Variants in RALYL observed in about 807,000 individuals in gnomAD.
The protein encoded by RALYL is RNA-binding Raly-like protein.
In RALYL, 29 loss-of-function variants were observed where a neutral mutation model predicts 35.1. That is an observed-to-expected ratio of 0.83 (90% confidence interval 0.61 to 1.13). The LOEUF (loss-of-function observed/expected upper bound fraction) is 1.13. Ranked by LOEUF, RALYL falls within the 50% of genes most tolerant of loss-of-function variation. RALYL has a pLI of 0.00. For missense variants in RALYL, 359 were observed against 360.4 expected, an observed-to-expected ratio of 1.00 and a Z score of 0.03; for synonymous variants, 120 against 127.6, an observed-to-expected ratio of 0.94 and a Z score of 0.40.
intron 2 of RALYL, among the ~76,000 whole-genome samples, chr8:84,657,247 G>A (rs895374500): frequency 4.6e-5 from 7 of 152,044 alleles, no homozygotes; most frequent in African/African-American, 1.7e-4. Context: ...AAAACCATCC[G>A]GAACTGTGTC....
At chr8:84,209,125 CA>C (rs60246316) in intron 1 of RALYL, among the ~76,000 whole-genome samples, 5,104 of 97,498 alleles carry the variant, frequency 0.052, 236 homozygotes, top group African/African-American at 0.17. Flanking sequence ...ACTCCTCCAC[CA>C]AAAAAAAAAA....
intron 2 of RALYL, among the ~76,000 whole-genome samples, chr8:84,697,128 T>G (rs1839303349): frequency 1.3e-5 from 2 of 151,980 alleles, no homozygotes; most frequent in Non-Finnish European, 2.9e-5. Context: ...TATTAATATA[T>G]AATATTTATG....
At chr8:84,344,597 A>G (rs1468749188) in intron 1 of RALYL, among the ~76,000 whole-genome samples, 2 of 152,058 alleles carry the variant, frequency 1.3e-5, no homozygotes, top group Non-Finnish European at 1.5e-5. Flanking sequence ...GTTATGATAT[A>G]TGTATGCAGT....
chr8:84,615,232 G>C (rs961019658), intron 2 of RALYL, among the ~76,000 whole-genome samples: 1 of 151,204 alleles, frequency 6.6e-6, no homozygotes, highest in African/African-American at 2.4e-5. Context: ...ACCTAATTTA[G>C]CTAGTCCCAG....
chr8:84,884,191 G>A (rs997181773), intron 7 of RALYL, among the ~76,000 whole-genome samples: 1 of 151,956 alleles, frequency 6.6e-6, no homozygotes, highest in Admixed American at 6.6e-5. Flanking sequence ...GTGTGACAAC[G>A]ATCTTCTGAG....
chr8:84,304,607 T>C (rs1841455219), intron 1 of RALYL, among the ~76,000 whole-genome samples: 1 of 121,332 alleles, frequency 8.2e-6, no homozygotes, highest in African/African-American at 4.3e-5. Flanking sequence ...TTTACACTAT[T>C]TTTTTTAAAA....
chr8:84,556,635 T>G (rs894289568), intron 2 of RALYL, among the ~76,000 whole-genome samples: 1 of 152,228 alleles, frequency 6.6e-6, no homozygotes, highest in Non-Finnish European at 1.5e-5. Flanking sequence ...CAGAGTTATT[T>G]CTCTTTCCTG....
chr8:84,870,267 T>G (rs1199801526), intron 6 of RALYL, among the ~76,000 whole-genome samples: 1 of 151,770 alleles, frequency 6.6e-6, no homozygotes, highest in Non-Finnish European at 1.5e-5. Flanking sequence ...TATAATTTTT[T>G]TTTTTTTTTG....
At chr8:84,410,310 C>A (rs1015454189) in intron 1 of RALYL, among the ~76,000 whole-genome samples, 1 of 151,882 alleles carries the variant, frequency 6.6e-6, no homozygotes. Flanking sequence ...GCTTTTGAAA[C>A]AAGGCTTACA....
intron 4 of RALYL, among the ~76,000 whole-genome samples, chr8:84,832,958 A>G (rs1282758990): frequency 6.6e-6 from 1 of 152,112 alleles, no homozygotes; most frequent in Non-Finnish European, 1.5e-5. Context: ...CTTCCTTATA[A>G]TTACTACCCT....
chr8:84,683,225 G>A (rs1332869695), intron 2 of RALYL, among the ~76,000 whole-genome samples: 1 of 152,242 alleles, frequency 6.6e-6, no homozygotes, highest in East Asian at 1.9e-4. Flanking sequence ...TATAATTTCT[G>A]TTCTTTTGCA....
chr8:84,860,149 A>C (rs2135019656), intron 5 of RALYL, among the ~76,000 whole-genome samples: 1 of 152,348 alleles, frequency 6.6e-6, no homozygotes, highest in Middle Eastern at 3.4e-3. Flanking sequence ...AGTAGTATTA[A>C]ATTACATTGC....
At chr8:84,411,964 C>T (rs1351355660) in intron 1 of RALYL, among the ~76,000 whole-genome samples, 1 of 151,822 alleles carries the variant, frequency 6.6e-6, no homozygotes, top group Non-Finnish European at 1.5e-5. Flanking sequence ...AAAAAATTAT[C>T]TCTAGTACAG....
At chr8:84,261,359 CA>C in intron 1 of RALYL, among the ~76,000 whole-genome samples, 1 of 152,276 alleles carries the variant, frequency 6.6e-6, no homozygotes, top group South Asian at 2.1e-4. Flanking sequence ...ATAATAGAAT[CA>C]TGGGGGCGGT....
At chr8:84,599,890 A>G (rs1292103670) in intron 2 of RALYL, among the ~76,000 whole-genome samples, 1 of 149,578 alleles carries the variant, frequency 6.7e-6, no homozygotes, top group Non-Finnish European at 1.5e-5. Context: ...GATGTGAGAA[A>G]CTTGTTCAGG....
chr8:84,498,819 T>C (rs1587799740), intron 1 of RALYL, among the ~76,000 whole-genome samples: 2 of 152,098 alleles, frequency 1.3e-5, no homozygotes, highest in Non-Finnish European at 2.9e-5. Context: ...AATCATATGA[T>C]TAAATTTCCT....
At chr8:84,754,840 T>C (rs1230544736) in intron 2 of RALYL, among the ~76,000 whole-genome samples, 3 of 152,184 alleles carry the variant, frequency 2.0e-5, no homozygotes, top group Non-Finnish European at 4.4e-5. Flanking sequence ...ACAGTAACCA[T>C]TGAGTACTTA....
intron 3 of RALYL, among the ~76,000 whole-genome samples, chr8:84,799,684 C>T (rs531526051): frequency 2.1e-4 from 32 of 152,314 alleles, no homozygotes; most frequent in Admixed American, 1.4e-3. Flanking sequence ...GGGCCGGGTG[C>T]GCTGGCTCAC....
chr8:84,197,773 GAA>G (rs79968537), intron 1 of RALYL, among the ~76,000 whole-genome samples: 1 of 128,310 alleles, frequency 7.8e-6, no homozygotes. Context: ...CCAGAAAAAG[GAA>G]AAAAAAAAAA....
Sources: allele counts gnomAD v4.1 joint callset (sites outside exome capture counted in the v4.1 genomes callset), GRCh38; gene constraint gnomAD v4.1.1; transcripts MANE v1.5; gene names NCBI Gene and HGNC (gene_info 2026-07-23, HGNC 2026-07-21).